The following CFAP299 variants were observed in gnomAD, a reference collection of about 807,000 sequenced individuals.
CFAP299 encodes the protein cilia- and flagella-associated protein 299.
In CFAP299, 21 loss-of-function variants were observed where a neutral mutation model predicts 27.0. The ratio of observed to expected loss-of-function variants is 0.78; its 90% CI spans 0.55 to 1.12. The LOEUF (loss-of-function observed/expected upper bound fraction) is 1.12, where lower values mean the gene tolerates loss of function less well. Among genes scored for constraint, CFAP299 ranks in the 50% most tolerant of loss-of-function variants. CFAP299 has a pLI of 0.00. For synonymous variants in CFAP299, 104 were observed against 98.1 expected, an observed-to-expected ratio of 1.06 and a Z score of -0.36; for missense variants, 310 against 276.6, an observed-to-expected ratio of 1.12 and a Z score of -0.86.
intron 3 of CFAP299, among the ~76,000 whole-genome samples, chr4:80,842,849 A>G (rs574762234): frequency 8.9e-4 from 136 of 152,244 alleles, no homozygotes; most frequent in African/African-American, 3.1e-3. Context: ...ATGACAGTGG[A>G]TAAAGTTTGA....
chr4:80,591,401 A>G (rs1391004390), intron 3 of CFAP299, among the ~76,000 whole-genome samples: 1 of 152,168 alleles, frequency 6.6e-6, no homozygotes, highest in Non-Finnish European at 1.5e-5. Context: ...TAAATGAACA[A>G]TTATTGGTGA....
chr4:80,583,240 TA>T, intron 3 of CFAP299, 57 bp downstream of exon 3: 5 of 951,332 alleles, frequency 5.3e-6, no homozygotes, highest in South Asian at 1.8e-5. Flanking sequence ...CAATTAATAT[TA>T]AAAAATGTAA....
At chr4:80,592,763 T>C (rs1056340925) in intron 3 of CFAP299, among the ~76,000 whole-genome samples, 2 of 152,212 alleles carry the variant, frequency 1.3e-5, no homozygotes. Flanking sequence ...TATGTAACAG[T>C]TGTAATTTAG....
chr4:80,804,971 T>C (rs1338815859), intron 3 of CFAP299, among the ~76,000 whole-genome samples: 1 of 152,116 alleles, frequency 6.6e-6, no homozygotes, highest in East Asian at 1.9e-4. Flanking sequence ...GTCTTTTTTG[T>C]GTAGTTGATT....
At chr4:80,370,637 G>A (rs1724096997) in intron 2 of CFAP299, among the ~76,000 whole-genome samples, 1 of 152,216 alleles carries the variant, frequency 6.6e-6, no homozygotes, top group Admixed American at 6.5e-5. Flanking sequence ...AAACCCAGCA[G>A]GGCAGTCATT....
At chr4:80,695,567 C>T (rs1203984416) in intron 3 of CFAP299, among the ~76,000 whole-genome samples, 4 of 152,064 alleles carry the variant, frequency 2.6e-5, no homozygotes, top group Non-Finnish European at 4.4e-5. Context: ...TAAGCCTCTC[C>T]TTTTGTATAG....
chr4:80,576,198 ATATAT>A (rs1293404870), intron 2 of CFAP299, among the ~76,000 whole-genome samples: 286 of 17,530 alleles, frequency 0.016, 2 homozygotes, highest in South Asian at 0.084. Context: ...AAAAAAAAAA[ATATAT>A]ATATATATAT....
At chr4:80,404,823 T>A (rs1027527842) in intron 2 of CFAP299, among the ~76,000 whole-genome samples, 4 of 152,208 alleles carry the variant, frequency 2.6e-5, no homozygotes, top group African/African-American at 9.6e-5. Flanking sequence ...TGTATTATAG[T>A]ATTTTTAGTT....
intron 4 of CFAP299, among the ~76,000 whole-genome samples, chr4:80,912,373 C>T (rs902024632): frequency 7.9e-5 from 12 of 152,194 alleles, no homozygotes; most frequent in African/African-American, 2.4e-4. Context: ...GTAGAATGAG[C>T]GAGAAAGGTT....
intron 3 of CFAP299, among the ~76,000 whole-genome samples, chr4:80,674,446 C>A (rs1359045994): frequency 6.6e-6 from 1 of 152,110 alleles, no homozygotes; most frequent in Non-Finnish European, 1.5e-5. Context: ...TCTCTGGCTG[C>A]CCTTAACATT....
intron 3 of CFAP299, among the ~76,000 whole-genome samples, chr4:80,729,657 T>A (rs1309049607): frequency 7.2e-6 from 1 of 138,174 alleles, no homozygotes; most frequent in East Asian, 2.3e-4. Flanking sequence ...TGGAGTGCAG[T>A]GGCAAGATCT....
At chr4:80,928,428 C>G (rs1279006365) in intron 4 of CFAP299, among the ~76,000 whole-genome samples, 1 of 152,002 alleles carries the variant, frequency 6.6e-6, no homozygotes, top group African/African-American at 2.4e-5. Context: ...TGGAAAATTA[C>G]TATTCTAGAA....
intron 2 of CFAP299, among the ~76,000 whole-genome samples, chr4:80,436,089 A>C (rs542145746): frequency 3.9e-5 from 6 of 152,166 alleles, no homozygotes; most frequent in African/African-American, 7.2e-5. Flanking sequence ...CTTGGGTTGC[A>C]ACGTGGACAG....
At chr4:80,689,712 T>G (rs2110014463) in intron 3 of CFAP299, among the ~76,000 whole-genome samples, 1 of 152,280 alleles carries the variant, frequency 6.6e-6, no homozygotes, top group East Asian at 1.9e-4. Flanking sequence ...TAAATGTAAA[T>G]GGACTAAATG....
chr4:80,426,660 A>G (rs1727545415), intron 2 of CFAP299, among the ~76,000 whole-genome samples: 1 of 152,196 alleles, frequency 6.6e-6, no homozygotes, highest in Non-Finnish European at 1.5e-5. Flanking sequence ...TTTAGCAAGC[A>G]CTTCTGGTGA....
At chr4:80,594,715 C>A (rs1004540610) in intron 3 of CFAP299, among the ~76,000 whole-genome samples, 1 of 152,014 alleles carries the variant, frequency 6.6e-6, no homozygotes, top group Admixed American at 6.6e-5. Flanking sequence ...ATTCTATTCT[C>A]TGAATTACTT....
chr4:80,808,471 AT>A (rs1320674843), intron 3 of CFAP299, among the ~76,000 whole-genome samples: 1 of 152,124 alleles, frequency 6.6e-6, no homozygotes, highest in African/African-American at 2.4e-5. Flanking sequence ...GTTCAGCTTA[AT>A]TTTAATTCAA....
chr4:80,499,307 G>T (rs908095570), intron 2 of CFAP299, among the ~76,000 whole-genome samples: 7 of 152,044 alleles, frequency 4.6e-5, no homozygotes, highest in African/African-American at 7.2e-5. Flanking sequence ...TCTTTTTCTC[G>T]AACATAATTC....
chr4:80,711,160 C>G (rs13115556), intron 3 of CFAP299, among the ~76,000 whole-genome samples: 1 of 152,200 alleles, frequency 6.6e-6, no homozygotes, highest in Non-Finnish European at 1.5e-5. Context: ...AGGCAGGACA[C>G]AGCACTGCTC....
Sources: gnomAD v4.1 joint callset for allele counts (sites outside exome capture counted in the v4.1 genomes callset) on GRCh38, gnomAD v4.1.1 for gene constraint, MANE v1.5 for transcripts, NCBI Gene and HGNC (gene_info 2026-07-23, HGNC 2026-07-21) for gene names.